Variants in UGCG observed in about 807,000 individuals in gnomAD.
The protein encoded by UGCG is ceramide glucosyltransferase.
UGCG carries 10 observed loss-of-function variants against 49.5 expected under a neutral mutation model. The ratio of observed to expected loss-of-function variants is 0.20; its 90% CI spans 0.12 to 0.34. UGCG has a LOEUF of 0.34. Ranked by LOEUF, UGCG falls within the 10% of genes least tolerant of loss-of-function variation. The probability of loss-of-function intolerance (pLI) is 1.00; values close to 1 mark genes in which losing one functional copy is unlikely to be tolerated. For synonymous variants in UGCG, 182 were observed against 158.2 expected (o/e 1.15, Z -1.13); for missense variants, 312 against 483.7 (o/e 0.65, Z 3.33).
At chr9:111,915,018 G>C in intron 2 of UGCG, 1 of 293,158 alleles carries the variant, frequency 3.4e-6, no homozygotes, top group Middle Eastern at 1.1e-3. Context: ...CAAGTGCCTG[G>C]TAGTTTGAAA....
At chr9:111,931,143 C>T in intron 6 of UGCG, 128 bp from the exon 7 acceptor site, 2 of 825,426 alleles carry the variant, frequency 2.4e-6, no homozygotes, top group South Asian at 1.8e-5. Context: ...ATGTGCTAAT[C>T]ATGAAAGCTG....
At position 111,908,918 on chromosome 9, in the gene UGCG, A is replaced by G. The variant is rs188351346; in HGVS notation, c.99-5687A>G. ...GAGGCCACTTTTGAAACACTAGGCAATTGATCACAGTGCCCTCCCTCCCTC... is the reference window on the plus strand; with the variant it reads ...GAGGCCACTTTTGAAACACTAGGCAGTTGATCACAGTGCCCTCCCTCCCTC... On this transcript the variant is annotated intron_variant, in intron 1 of 8. Transcript: ENST00000374279. Among the ~76,000 whole-genome samples the G allele has an allele frequency of 1.5e-3, 223 of 152,308 alleles. 1 individual carries two copies. Among genetic ancestry groups the G allele is most frequent in the Admixed American group, 3.5e-3 (53 of 15,304 alleles).
chr9:111,918,967 C>A (rs1254739803), intron 2 of UGCG, among the ~76,000 whole-genome samples: 1 of 138,980 alleles, frequency 7.2e-6, no homozygotes, highest in Non-Finnish European at 1.5e-5. Flanking sequence ...AAAAACACTT[C>A]AAACCTTGCA....
At chr9:111,904,369 T>C (rs1406761300) in intron 1 of UGCG, among the ~76,000 whole-genome samples, 1 of 152,220 alleles carries the variant, frequency 6.6e-6, no homozygotes, top group Non-Finnish European at 1.5e-5. Context: ...TGCTTTTTTT[T>C]CTGTGTTTAG....
At chr9:111,920,952 G>A (rs1838211169) in intron 2 of UGCG, among the ~76,000 whole-genome samples, 1 of 151,914 alleles carries the variant, frequency 6.6e-6, no homozygotes, top group Non-Finnish European at 1.5e-5. Flanking sequence ...GCCCAGGCTG[G>A]AGTGCAGTGG....
intron 2 of UGCG, among the ~76,000 whole-genome samples, chr9:111,919,892 G>A (rs780187712): frequency 7.9e-5 from 12 of 151,956 alleles, no homozygotes; most frequent in Non-Finnish European, 1.6e-4. Context: ...AGGAAAGCTC[G>A]TTGTTACTTT....
chr9:111,911,906 A>AG (rs748861860), intron 1 of UGCG, among the ~76,000 whole-genome samples: 4 of 5,344 alleles, frequency 7.5e-4, no homozygotes, highest in Non-Finnish European at 2.1e-3. Flanking sequence ...ATTCAACAGG[A>AG]TATATATATA....
chr9:111,916,532 C>T (rs1396409127), intron 2 of UGCG, among the ~76,000 whole-genome samples: 1 of 152,118 alleles, frequency 6.6e-6, no homozygotes, highest in East Asian at 1.9e-4. Flanking sequence ...CATAGTGGCA[C>T]AGTCGTGGCT....
chr9:111,897,131 C>A lies in UGCG; in HGVS notation c.-85C>A. The A allele has an allele frequency of 1.6e-6, 2 of 1,225,512 alleles. No individual in the cohort carries two copies. Among genetic ancestry groups the A allele is most frequent in the Non-Finnish European group, 2.2e-6 (2 of 896,236 alleles). The allele number at this position is 1,225,512 out of a possible 1,614,324, so 75.9% of individuals were successfully genotyped here. A position where few individuals can be genotyped will look rare whatever the true frequency, so the allele number is the denominator to read the frequency against. On this transcript the variant is annotated 5_prime_UTR_variant, in exon 1 of 9. Transcript: ENST00000374279. ...CCTCTCGCCTCCCGCGCCCCCGCAC[C>A]GGGCGCCCACCCTGTCCTCCTCCTG... is the stretch of plus-strand genomic sequence containing the variant.
intron 1 of UGCG, among the ~76,000 whole-genome samples, chr9:111,908,488 T>C (rs1205377176): frequency 2.6e-5 from 4 of 152,196 alleles, no homozygotes; most frequent in Non-Finnish European, 4.4e-5. Flanking sequence ...TTGATCTGGG[T>C]ACTGGTTACA....
chr9:111,911,083 G>T (rs1393885734), intron 1 of UGCG, among the ~76,000 whole-genome samples: 1 of 152,072 alleles, frequency 6.6e-6, no homozygotes, highest in Admixed American at 6.6e-5. Context: ...ACTGAGGACT[G>T]AATCCAAGAT....
At chr9:111,923,621 T>TG (rs1838266997) in intron 3 of UGCG, among the ~76,000 whole-genome samples, 1 of 151,986 alleles carries the variant, frequency 6.6e-6, no homozygotes, top group South Asian at 2.1e-4. Flanking sequence ...CATATATTTA[T>TG]GGGGTTTTTT....
chr9:111,928,659 A>G (rs898127313), intron 5 of UGCG, among the ~76,000 whole-genome samples: 33 of 152,344 alleles, frequency 2.2e-4, no homozygotes, highest in African/African-American at 7.7e-4. Flanking sequence ...GGTAGGTAGC[A>G]AGAATCATAA....
intron 1 of UGCG, among the ~76,000 whole-genome samples, chr9:111,898,738 A>G (rs1177834450): frequency 6.6e-6 from 1 of 152,318 alleles, no homozygotes; most frequent in East Asian, 1.9e-4. Flanking sequence ...TAAAATATGC[A>G]CACACCAAAA....
At position 111,912,050 on chromosome 9, in the gene UGCG, A is replaced by ATATATATG. The variant is rs1554733560; in HGVS notation, c.99-2552_99-2551insATATGTAT. On this transcript the variant is annotated intron_variant, in intron 1 of 8. Transcript: ENST00000374279. ...ACAGGATATATATATATATATATAT[A>ATATATATG]TATCCTGTTGAATCAATTAATTGTG... Among the ~76,000 whole-genome samples the ATATATATG allele has an allele frequency of 3.3e-3, 471 of 142,788 alleles. 20 individuals carry two copies. The highest frequency in any genetic ancestry group is 0.026 in the South Asian group (116 of 4,382). 93.7% of individuals were successfully genotyped at this position (142,788 alleles called of 152,430 possible).
chr9:111,929,371 A>G (rs1394708670), intron 5 of UGCG, 129 bp from the exon 6 acceptor site: 1 of 894,106 alleles, frequency 1.1e-6, no homozygotes, highest in Non-Finnish European at 1.6e-6. Context: ...TTATTCAGGT[A>G]GTCTACGTAA....
At chr9:111,898,680 A>G (rs1162663350) in intron 1 of UGCG, among the ~76,000 whole-genome samples, 1 of 152,194 alleles carries the variant, frequency 6.6e-6, no homozygotes. Flanking sequence ...AAAATAAAAA[A>G]TGCTTACTGT....
chr9:111,907,227 G>A (rs1837903737), intron 1 of UGCG, among the ~76,000 whole-genome samples: 1 of 152,190 alleles, frequency 6.6e-6, no homozygotes, highest in South Asian at 2.1e-4. Context: ...ATACTTTGAT[G>A]ATAGCCTGTA....
In UGCG at chr9:111,923,889, C is replaced by A. The variant is rs535082326; in HGVS notation, c.344-888C>A. ...CAGGTGATCCACCTGCCTCGGCCTC[C>A]CAAAGTGCTGGGATTATAGCCTCCC... On this transcript the variant is annotated intron_variant, in intron 3 of 8. Coordinates refer to ENST00000374279, the MANE Select transcript of UGCG (RefSeq NM_003358.3). 5.9e-5 allele frequency among the ~76,000 whole-genome samples: 9 copies of A among 152,248 alleles called. No individual in the cohort carries two copies. The South Asian group carries it at 1.9e-3, about 32-fold the overall frequency.
Sources: gnomAD v4.1 joint callset for allele counts (sites outside exome capture counted in the v4.1 genomes callset) on GRCh38, gnomAD v4.1.1 for gene constraint, MANE v1.5 for transcripts, NCBI Gene and HGNC (gene_info 2026-07-23, HGNC 2026-07-21) for gene names.